Variants in SUGCT observed in about 807,000 individuals in gnomAD.
The protein encoded by SUGCT is succinyl-CoA:glutarate CoA-transferase.
A neutral mutation model predicts 55.0 loss-of-function variants in SUGCT; 41 were observed. That is an observed-to-expected ratio of 0.74 (90% CI 0.58 to 0.97). SUGCT has a LOEUF of 0.97. SUGCT is among the 50% of genes least tolerant of loss of function. SUGCT has a pLI of 0.00. For missense variants in SUGCT, 568 were observed against 547.8 expected (o/e 1.04, Z -0.37); for synonymous variants, 187 against 200.4 (o/e 0.93, Z 0.56).
At chr7:40,153,704 A>G in intron 1 of SUGCT, 1 of 499,686 alleles carries the variant, frequency 2.0e-6, no homozygotes, top group Admixed American at 2.1e-5. Context: ...TCTGGTGATA[A>G]TAATCCTCTG....
intron 1 of SUGCT, among the ~76,000 whole-genome samples, chr7:40,168,765 A>G (rs1784537192): frequency 6.6e-6 from 1 of 152,160 alleles, no homozygotes; most frequent in African/African-American, 2.4e-5. Flanking sequence ...TGAGGGGAGG[A>G]AACTATTTTC....
chr7:40,884,776 T>G, the SUGCT span, among the ~76,000 whole-genome samples: 1 of 152,144 alleles, frequency 6.6e-6, no homozygotes, highest in South Asian at 2.1e-4. Context: ...AAAGTATGAA[T>G]GAGCAGGAGA....
chr7:40,341,667 G>A (rs1039175556), intron 9 of SUGCT, among the ~76,000 whole-genome samples: 14 of 152,260 alleles, frequency 9.2e-5, no homozygotes, highest in Non-Finnish European at 1.6e-4. Flanking sequence ...ATCCAGTACT[G>A]TGAGAAGTGC....
intron 9 of SUGCT, among the ~76,000 whole-genome samples, chr7:40,359,666 A>C (rs772019742): frequency 5.9e-5 from 9 of 152,130 alleles, no homozygotes; most frequent in Non-Finnish European, 1.2e-4. Flanking sequence ...TCACGTCCTA[A>C]CTGTGTTGTT....
chr7:40,773,301 G>T (rs547812532), intron 13 of SUGCT, among the ~76,000 whole-genome samples: 53 of 151,844 alleles, frequency 3.5e-4, no homozygotes, highest in Non-Finnish European at 3.4e-4. Context: ...CGTAATTTTT[G>T]TATGTTTAGT....
intron 7 of SUGCT, among the ~76,000 whole-genome samples, chr7:40,245,564 C>T (rs1224422910): frequency 1.4e-5 from 2 of 144,642 alleles, no homozygotes; most frequent in African/African-American, 5.2e-5. Context: ...CTCAGCCTCC[C>T]GAGTAGCTGG....
chr7:40,952,918 A>C, the SUGCT span, among the ~76,000 whole-genome samples: 1 of 152,052 alleles, frequency 6.6e-6, no homozygotes, highest in Admixed American at 6.5e-5. Flanking sequence ...GGTGAATCTG[A>C]CAATTAGGTG....
chr7:40,163,155 C>T (rs1441999886), intron 1 of SUGCT, among the ~76,000 whole-genome samples: 1 of 152,014 alleles, frequency 6.6e-6, no homozygotes, highest in Non-Finnish European at 1.5e-5. Flanking sequence ...CATTTGACTC[C>T]AACATAATTG....
chr7:40,858,403 CAAAAAAAAAAAAAAA>C (rs58628576), intron 13 of SUGCT, among the ~76,000 whole-genome samples: 2 of 34,752 alleles, frequency 5.8e-5, no homozygotes, highest in South Asian at 1.2e-3. Flanking sequence ...AATTCCATCT[CAAAAAAAAAAAAAAA>C]AAAAAAAAAA....
rs1457121822 is a variant in SUGCT, at chr7:40,749,494, C to G, written c.1150C>G (p.Pro384Ala). The G allele has an allele frequency of 2.5e-6, 4 of 1,613,044 alleles. No individual in the cohort carries two copies. The highest frequency in any genetic ancestry group is 3.4e-6 in the Non-Finnish European group (4 of 1,179,220). ...TCCAACTGTGGGGAAGATTTCCGTC[C>G]CAGGTCTGAAAAGTTTTGGTATTTT... ...EHPTVGKISVPGPAVRYSKFK... is the reference protein window; with the variant it reads ...EHPTVGKISVAGPAVRYSKFK... Residue 384 changes from proline (P) to alanine (A), a missense_variant, in exon 13 of 14, where the codon CCA (proline) becomes GCA (alanine). By Grantham distance (27) the Pro-to-Ala change is conservative. Coordinates refer to ENST00000335693, the MANE Select transcript of SUGCT (RefSeq NM_001193313.2).
chr7:40,259,644 G>A (rs1419321085), intron 7 of SUGCT, among the ~76,000 whole-genome samples: 1 of 152,142 alleles, frequency 6.6e-6, no homozygotes, highest in Non-Finnish European at 1.5e-5. Context: ...AAACCATGCT[G>A]TAATTTGTAG....
intron 6 of SUGCT, among the ~76,000 whole-genome samples, chr7:40,231,540 A>G (rs1042198955): frequency 2.6e-5 from 4 of 152,188 alleles, no homozygotes; most frequent in African/African-American, 9.7e-5. Context: ...TGTAGTAGCA[A>G]GCCATGTGAA....
At chr7:41,000,302 A>G in the SUGCT span, among the ~76,000 whole-genome samples, 1 of 152,140 alleles carries the variant, frequency 6.6e-6, no homozygotes, top group Non-Finnish European at 1.5e-5. Context: ...ACACGCACAC[A>G]CACATTCTTA....
At chr7:40,854,250 C>T (rs1351176901) in intron 13 of SUGCT, among the ~76,000 whole-genome samples, 1 of 152,090 alleles carries the variant, frequency 6.6e-6, no homozygotes, top group Non-Finnish European at 1.5e-5. Flanking sequence ...ACAATTAAGG[C>T]TTTTTGTCTT....
intron 12 of SUGCT, among the ~76,000 whole-genome samples, chr7:40,633,552 C>T (rs889004358): frequency 5.3e-5 from 8 of 152,178 alleles, no homozygotes; most frequent in Non-Finnish European, 8.8e-5. Context: ...GCCAGGAAAG[C>T]GATACCTTTT....
intron 12 of SUGCT, among the ~76,000 whole-genome samples, chr7:40,705,105 C>A (rs754522200): frequency 1.3e-5 from 2 of 152,020 alleles, no homozygotes; most frequent in Non-Finnish European, 2.9e-5. Context: ...TCTTCCTTGC[C>A]CACACCAAGT....
At chr7:40,953,891 C>T in the SUGCT span, among the ~76,000 whole-genome samples, 50,633 of 152,184 alleles carry the variant, frequency 0.33, 9,154 homozygotes, top group Admixed American at 0.45. Flanking sequence ...TTAGGCTACT[C>T]GGGGGTCAGG....
chr7:40,591,934 T>G (rs1797746836), intron 12 of SUGCT, among the ~76,000 whole-genome samples: 1 of 152,246 alleles, frequency 6.6e-6, no homozygotes, highest in African/African-American at 2.4e-5. Context: ...TTATTTTATT[T>G]TGATATTCAC....
chr7:40,348,113 C>G (rs1023242694), intron 9 of SUGCT, among the ~76,000 whole-genome samples: 1 of 152,158 alleles, frequency 6.6e-6, no homozygotes, highest in Non-Finnish European at 1.5e-5. Context: ...AAGTCCTGCA[C>G]GGGGGTTGCG....
Sources: allele counts gnomAD v4.1 joint callset (sites outside exome capture counted in the v4.1 genomes callset), GRCh38; gene constraint gnomAD v4.1.1; transcripts MANE v1.5; gene names NCBI Gene and HGNC (gene_info 2026-07-23, HGNC 2026-07-21).